Variants in PSIP1 observed in about 807,000 individuals in gnomAD.
The protein encoded by PSIP1 is PC4 and SFRS1-interacting protein.
Under a neutral mutation model 74.7 loss-of-function variants are expected in PSIP1, and 19 were observed. That is an observed-to-expected ratio of 0.25 (90% CI 0.18 to 0.37). The LOEUF (loss-of-function observed/expected upper bound fraction) is 0.37, where lower values mean the gene tolerates loss of function less well. Among genes scored for constraint, PSIP1 ranks in the 10% least tolerant of loss-of-function variants. The pLI is 1.00. For missense variants in PSIP1, 601 were observed against 614.3 expected, an observed-to-expected ratio of 0.98 and a Z score of 0.23; for synonymous variants, 222 against 195.3, an observed-to-expected ratio of 1.14 and a Z score of -1.14.
intron 6 of PSIP1, among the ~76,000 whole-genome samples, chr9:15,481,703 A>G (rs1259479337): frequency 6.6e-6 from 1 of 152,150 alleles, no homozygotes; most frequent in African/African-American, 2.4e-5. Flanking sequence ...AAAGAATTAT[A>G]GGTAAAAGAG....
chr9:15,492,509 G>GA (rs2036879649), intron 3 of PSIP1, among the ~76,000 whole-genome samples: 1 of 152,198 alleles, frequency 6.6e-6, no homozygotes, highest in Non-Finnish European at 1.5e-5. Context: ...GGCTGGTGTT[G>GA]AATGTCTGCA....
At chr9:15,504,928 A>G (rs896440746) in intron 3 of PSIP1, 4 of 145,732 alleles carry the variant, frequency 2.7e-5, no homozygotes, top group African/African-American at 1.0e-4. Context: ...TCACAGCTTT[A>G]TTCAGTAGGT....
intron 10 of PSIP1, chr9:15,471,892 A>C: frequency 1.0e-6 from 1 of 983,018 alleles, no homozygotes; most frequent in Non-Finnish European, 1.2e-6. Context: ...TTTAGTCAGA[A>C]TGTAAGACGC....
chr9:15,506,714 A>C, intron 2 of PSIP1, 77 bp from the exon 3 acceptor site: 1 of 1,104,114 alleles, frequency 9.1e-7, no homozygotes, highest in Non-Finnish European at 1.3e-6. Flanking sequence ...ACAAGAGCAC[A>C]ACATCCAAAA....
intron 6 of PSIP1, among the ~76,000 whole-genome samples, chr9:15,485,409 T>C (rs867582429): frequency 6.6e-6 from 1 of 152,260 alleles, no homozygotes; most frequent in Non-Finnish European, 1.5e-5. Context: ...TTTATTTTCA[T>C]AGTTTACCTC....
chr9:15,488,154 C>T (rs2036637669), intron 4 of PSIP1, among the ~76,000 whole-genome samples: 1 of 150,454 alleles, frequency 6.6e-6, no homozygotes, highest in African/African-American at 2.5e-5. Flanking sequence ...GATGGTGAAA[C>T]CCCATCTCTA....
In PSIP1 at chr9:15,464,351, CAT is replaced by C. The variant is rs2035463752; in HGVS notation, c.*1167_*1168del. 5.1e-6 allele frequency: 1 copy of C among 194,240 alleles called. No homozygotes were observed. The highest frequency in any genetic ancestry group is 1.1e-5 in the Non-Finnish European group (1 of 93,338). 12.0% of individuals were successfully genotyped at this position (194,240 alleles called of 1,614,324 possible). ...TTTCCATATTCATATAATTTCAAAA[CAT>C]GAGAAGTATCCTACTTGCTGAGAAG... is the stretch of plus-strand genomic sequence containing the variant. On this transcript the variant is annotated 3_prime_UTR_variant, in exon 16 of 16. Coordinates refer to ENST00000380733, the MANE Select transcript of PSIP1 (RefSeq NM_033222.5).
rs781776461 is a variant in PSIP1 at position 15,510,224 on chromosome 9, A to AGGCGGCGAGGAGATGC, written c.-52_-37dup. On this transcript the variant is annotated 5_prime_UTR_variant, in exon 2 of 16. Transcript: ENST00000380733. ...CGAGACCGGGGGTCCGAAGCCCGGG[A>AGGCGGCGAGGAGATGC]GGCGGCGAGGAGATGCGGCGGCGCG... 51 of 1,584,336 alleles carry AGGCGGCGAGGAGATGC rather than the reference A, an allele frequency of 3.2e-5. No individual in the cohort carries two copies. The highest frequency in any genetic ancestry group is 1.7e-4 in the South Asian group (15 of 88,356).
At chr9:15,470,041 T>G (rs761548101) in intron 10 of PSIP1, 48 bp from the exon 11 acceptor site, 2 of 1,445,458 alleles carry the variant, frequency 1.4e-6, no homozygotes, top group Admixed American at 3.4e-5. Flanking sequence ...ATTTTGTGAC[T>G]AAATGCCCAC....
At chr9:15,483,838 A>C (rs1358563367) in intron 6 of PSIP1, among the ~76,000 whole-genome samples, 1 of 152,158 alleles carries the variant, frequency 6.6e-6, no homozygotes, top group African/African-American at 2.4e-5. Context: ...CTAAATATAC[A>C]AAAAATTAGC....
chr9:15,467,923 C>G (rs1223507163), intron 14 of PSIP1, among the ~76,000 whole-genome samples: 1 of 151,998 alleles, frequency 6.6e-6, no homozygotes, highest in East Asian at 1.9e-4. Context: ...GAGTTCAAGA[C>G]CAGCCTGACC....
chr9:15,478,197 C>CCAT (rs2036178896), intron 8 of PSIP1, among the ~76,000 whole-genome samples: 1 of 150,564 alleles, frequency 6.6e-6, no homozygotes, highest in East Asian at 1.9e-4. Flanking sequence ...CTGAAACATA[C>CCAT]CATCTTGCCC....
chr9:15,489,226 A>G (rs2036710337), intron 4 of PSIP1: 1 of 152,190 alleles, frequency 6.6e-6, no homozygotes, highest in Admixed American at 6.5e-5. Flanking sequence ...GCTGACACCA[A>G]TAAATATAAT....
chr9:15,503,600 T>C (rs959498348), intron 3 of PSIP1, among the ~76,000 whole-genome samples: 26 of 151,442 alleles, frequency 1.7e-4, no homozygotes, highest in African/African-American at 6.3e-4. Flanking sequence ...AGTTCAAGGA[T>C]GCAGTCAACT....
intron 5 of PSIP1, 104 bp downstream of exon 5, chr9:15,486,723 G>C (rs2737829): frequency 0.88 from 700,875 of 796,340 alleles, 310,342 homozygotes; most frequent in Admixed American, 0.92. Flanking sequence ...ATTCACTTTT[G>C]AAGTACTTTA....
At chr9:15,504,058 T>G (rs1287322187) in intron 3 of PSIP1, among the ~76,000 whole-genome samples, 1 of 152,164 alleles carries the variant, frequency 6.6e-6, no homozygotes, top group African/African-American at 2.4e-5. Context: ...AAATTAATCT[T>G]AAGTACAAAA....
At chr9:15,506,716 C>A in intron 2 of PSIP1, 79 bp from the exon 3 acceptor site, 1 of 1,065,092 alleles carries the variant, frequency 9.4e-7, no homozygotes. Flanking sequence ...AAGAGCACAA[C>A]ATCCAAAAGG....
intron 3 of PSIP1, among the ~76,000 whole-genome samples, chr9:15,496,908 A>G (rs1021554002): frequency 1.3e-5 from 2 of 152,206 alleles, no homozygotes; most frequent in African/African-American, 4.8e-5. Context: ...CGGCCAAAAA[A>G]TAACAAATAA....
intron 10 of PSIP1, chr9:15,470,632 CA>C: frequency 7.4e-6 from 7 of 948,780 alleles, no homozygotes; most frequent in Non-Finnish European, 8.8e-6. Flanking sequence ...ATCTAAAAAT[CA>C]GGTTTTTTTT....
Sources: gnomAD v4.1 joint callset for allele counts (sites outside exome capture counted in the v4.1 genomes callset) on GRCh38, gnomAD v4.1.1 for gene constraint, MANE v1.5 for transcripts, NCBI Gene and HGNC (gene_info 2026-07-23, HGNC 2026-07-21) for gene names.